Variants in RLIM observed in about 807,000 individuals in gnomAD.
The protein encoded by RLIM is E3 ubiquitin-protein ligase RLIM.
In RLIM, 2 loss-of-function variants were observed where a neutral mutation model predicts 34.0. The observed-to-expected ratio is 0.06, with a 90% CI of 0.02 to 0.19. The LOEUF (loss-of-function observed/expected upper bound fraction) is 0.19. Among genes scored for constraint, RLIM ranks in the 10% least tolerant of loss-of-function variants. RLIM has a pLI of 1.00. For missense variants in RLIM, 286 were observed against 479.7 expected, an observed-to-expected ratio of 0.60 and a Z score of 3.77; for synonymous variants, 169 against 164.0, an observed-to-expected ratio of 1.03 and a Z score of -0.23.
chrX:74,590,544 T>C lies in RLIM; in HGVS notation c.*896A>G, dbSNP rs1451002972. 8.9e-6 allele frequency: 1 copy of C among 112,714 alleles called. No individual in the cohort carries two copies. The highest frequency in any genetic ancestry group is 1.9e-5 in the Non-Finnish European group (1 of 53,331). 9.3% of individuals were successfully genotyped at this position (112,714 alleles called of 1,213,427 possible). ...TTTCCTTTGCATGTCACAGTAGCTG[T>C]TCACACATTAAATATTATAGATATG... On this transcript the variant is annotated 3_prime_UTR_variant, in exon 4 of 4. Coordinates refer to ENST00000332687, the MANE Select transcript of RLIM (RefSeq NM_016120.4).
intron 1 of RLIM, among the ~76,000 whole-genome samples, chrX:74,605,265 A>G (rs954041700): frequency 7.1e-5 from 8 of 112,486 alleles, no homozygotes; most frequent in African/African-American, 1.9e-4. Flanking sequence ...GCGGCATAAA[A>G]GAAAGAAATG....
Position 74,588,837 on chromosome X carries a change from C to G in RLIM, c.*2603G>C, listed in dbSNP as rs917923418. 1 of 111,976 alleles carries G rather than the reference C, an allele frequency of 8.9e-6. No individual in the cohort carries two copies. Among genetic ancestry groups the G allele is most frequent in the African/African-American group, 3.2e-5 (1 of 30,814 alleles). The allele number at this position is 111,976 out of a possible 1,213,427, so 9.2% of individuals were successfully genotyped here. A position where few individuals can be genotyped will look rare whatever the true frequency, so the allele number is the denominator to read the frequency against. On this transcript the variant is annotated 3_prime_UTR_variant, in exon 4 of 4. Transcript: ENST00000332687. Reference sequence around the variant, plus strand: ...TTTTGTTCTCCATTGTAATCTGACACCTACGAATGACCTTGTCTTCAATGT... The same window carrying G: ...TTTTGTTCTCCATTGTAATCTGACAGCTACGAATGACCTTGTCTTCAATGT...
intron 1 of RLIM, among the ~76,000 whole-genome samples, chrX:74,609,487 CAAAAAAAAA>C (rs752008137): frequency 1.2e-4 from 4 of 32,799 alleles, no homozygotes; most frequent in African/African-American, 2.8e-4. Flanking sequence ...GACTCCGTTT[CAAAAAAAAA>C]AAAAAAAAAA....
rs766460626 is a variant in RLIM at position 74,592,487 on chromosome X, A to T, written c.828T>A (p.Ser276=). 23 of 1,210,243 alleles carry T rather than the reference A, an allele frequency of 1.9e-5. No homozygotes were observed. Among genetic ancestry groups the T allele is most frequent in the African/African-American group, 3.5e-5 (2 of 57,261 alleles). Residue 276 remains serine (S), a synonymous_variant, in exon 4 of 4, where the codon TCT becomes TCA. Transcript: ENST00000332687. Reference sequence around the variant, plus strand: ...GACCTCTACTTAGCAACTCAGGCCCAGATATTTGCTGCCTCAATGTCACAT... The same window carrying T: ...GACCTCTACTTAGCAACTCAGGCCCTGATATTTGCTGCCTCAATGTCACAT... ...RHHVTLRQQI[S]GPELLSRGLF...
chrX:74,594,567 C>A (rs1031884084), intron 2 of RLIM, among the ~76,000 whole-genome samples, 178 bp from the exon 3 acceptor site: 1 of 111,577 alleles, frequency 9.0e-6, no homozygotes, highest in East Asian at 2.8e-4. Flanking sequence ...GGGAAAAATT[C>A]ACTTCTTTGG....
In RLIM at chrX:74,585,648, A is replaced by G. The variant is rs933251779; in HGVS notation, c.*5792T>C. 4.5e-5 allele frequency: 5 copies of G among 112,322 alleles called. No homozygotes were observed. The highest frequency in any genetic ancestry group is 1.6e-4 in the African/African-American group (5 of 30,904). 9.3% of individuals were successfully genotyped at this position (112,322 alleles called of 1,213,427 possible). On this transcript the variant is annotated 3_prime_UTR_variant, in exon 4 of 4. Transcript: ENST00000332687. The stretch of plus-strand genomic sequence containing the variant: ...GTCTTGTTTTGCTTTAAACAAGTTA[A>G]CTTTTAGCAGTTGTAAAGCACTGTA...
At position 74,609,314 on chromosome X, in the gene RLIM, C is replaced by T. The variant is rs1012710932; in HGVS notation, c.-24+5108G>A. Reference sequence around the variant, plus strand: ...CATCCTGGCTAACACAGTGAAACCCCGTCTCTACTAAAAATAGAAAAAAAT... The same window carrying T: ...CATCCTGGCTAACACAGTGAAACCCTGTCTCTACTAAAAATAGAAAAAAAT... On this transcript the variant is annotated intron_variant, in intron 1 of 3. Coordinates refer to ENST00000332687, the MANE Select transcript of RLIM (RefSeq NM_016120.4). 5.6e-5 allele frequency among the ~76,000 whole-genome samples: 6 copies of T among 107,865 alleles called. No homozygotes were observed. The Admixed American group carries it at 6.0e-4, about 11-fold the overall frequency. 93.7% of individuals were successfully genotyped at this position (107,865 alleles called of 115,157 possible). A position where few individuals can be genotyped will look rare whatever the true frequency, so the allele number is the denominator to read the frequency against.
rs1373431893 is a variant in RLIM at position 74,585,879 on chromosome X, A to G, written c.*5561T>C. 2 of 112,157 alleles carry G rather than the reference A, an allele frequency of 1.8e-5. No homozygotes were observed. The highest frequency in any genetic ancestry group is 3.8e-5 in the Non-Finnish European group (2 of 53,263). The allele number at this position is 112,157 out of a possible 1,213,427, so 9.2% of individuals were successfully genotyped here. A position where few individuals can be genotyped will look rare whatever the true frequency, so the allele number is the denominator to read the frequency against. Reference sequence around the variant, plus strand: ...CTCCCGAAGGTCAGGAAGCCCTGGTATAACAATCACTTTAGTCTTTACAGA... The same window carrying G: ...CTCCCGAAGGTCAGGAAGCCCTGGTGTAACAATCACTTTAGTCTTTACAGA... On this transcript the variant is annotated 3_prime_UTR_variant, in exon 4 of 4. Transcript: ENST00000332687.
At chrX:74,604,533 T>C (rs1189151120) in intron 1 of RLIM, among the ~76,000 whole-genome samples, 2 of 111,502 alleles carry the variant, frequency 1.8e-5, no homozygotes, top group Non-Finnish European at 3.8e-5. Flanking sequence ...CCCCTTTATG[T>C]TTTCCAAAAA....
chrX:74,594,780 T>C (rs903445304), intron 2 of RLIM, among the ~76,000 whole-genome samples: 1 of 107,477 alleles, frequency 9.3e-6, no homozygotes, highest in Non-Finnish European at 1.9e-5. Context: ...GTGCCTGTAA[T>C]CCCAGCTGCT....
chrX:74,587,577 C>CAT lies in RLIM; in HGVS notation c.*3861_*3862dup, dbSNP rs1352866981. On this transcript the variant is annotated 3_prime_UTR_variant, in exon 4 of 4. Coordinates refer to ENST00000332687, the MANE Select transcript of RLIM (RefSeq NM_016120.4). Reference sequence around the variant, plus strand: ...CTTTAAAAGAAAAAATATTAACAACCATAAGGTGCCACTGTATTTTAGCAA... The same window carrying CAT: ...CTTTAAAAGAAAAAATATTAACAACCATATAAGGTGCCACTGTATTTTAGCAA... 9.0e-6 allele frequency: 1 copy of CAT among 111,302 alleles called. No individual in the cohort carries two copies. The highest frequency in any genetic ancestry group is 1.9e-5 in the Non-Finnish European group (1 of 52,995). The allele number at this position is 111,302 out of a possible 1,213,427, so 9.2% of individuals were successfully genotyped here. A position where few individuals can be genotyped will look rare whatever the true frequency, so the allele number is the denominator to read the frequency against.
Position 74,589,326 on chromosome X carries a change from T to C in RLIM, c.*2114A>G, listed in dbSNP as rs748952366. The C allele has an allele frequency of 1.8e-5, 2 of 111,805 alleles. No individual in the cohort carries two copies. The highest frequency in any genetic ancestry group is 9.6e-5 in the Admixed American group (1 of 10,461). The allele number at this position is 111,805 out of a possible 1,213,427, so 9.2% of individuals were successfully genotyped here. ...GACTACCCTGCAGATCTGAAAACTGTAGATTACATCCTTAGGAAAGGAGAA... is the reference window on the plus strand; with the variant it reads ...GACTACCCTGCAGATCTGAAAACTGCAGATTACATCCTTAGGAAAGGAGAA... On this transcript the variant is annotated 3_prime_UTR_variant, in exon 4 of 4. Transcript: ENST00000332687.
chrX:74,593,046 T>C lies in RLIM; in HGVS notation c.269A>G (p.Asp90Gly). 1 of 1,203,607 alleles carries C rather than the reference T, an allele frequency of 8.3e-7. No individual in the cohort carries two copies. Among genetic ancestry groups the C allele is most frequent in the Non-Finnish European group, 1.1e-6 (1 of 889,740 alleles). Residue 90 changes from aspartate to glycine, a missense_variant, in exon 4 of 4, where the codon GAT becomes GGT. Physicochemically the swap from Asp to Gly is moderately conservative, Grantham distance 94. Around this residue, in one of 6 missense-constraint regions of RLIM, gnomAD observed 62 missense variants for 71.3 expected, o/e 0.87. Transcript: ENST00000332687. ...TATAGAGTCACCATTAGACACATCA[T>C]CTGAAGAGTCTCCTCCTGTTCAAAA... ...SDENRGGDSS[D>G]DVSNGDSIID...
At chrX:74,597,081 T>G (rs1374794668) in intron 1 of RLIM, among the ~76,000 whole-genome samples, 1 of 112,099 alleles carries the variant, frequency 8.9e-6, no homozygotes, top group Non-Finnish European at 1.9e-5. Flanking sequence ...TTAGAAAATT[T>G]AAAGTGAAAT....
intron 1 of RLIM, 132 bp from the exon 2 acceptor site, chrX:74,596,132 A>G: frequency 2.5e-6 from 1 of 396,612 alleles, no homozygotes. Flanking sequence ...TTCCTAACAA[A>G]AACTCCTGAA....
rs947429769 is a variant in RLIM at position 74,584,171 on chromosome X, C to T, written c.*7269G>A. Among the ~76,000 whole-genome samples the T allele has an allele frequency of 9.0e-6, 1 of 111,251 alleles. No homozygotes were observed. Among genetic ancestry groups the T allele is most frequent in the Non-Finnish European group, 1.9e-5 (1 of 53,066 alleles). On this transcript the variant is annotated 3_prime_UTR_variant, in exon 4 of 4. Transcript: ENST00000332687. ...TCTAGTCTAGGGCTTGGGATAAATACTAAGAAACAAATTAGAAGTCATATA... is the reference window on the plus strand; with the variant it reads ...TCTAGTCTAGGGCTTGGGATAAATATTAAGAAACAAATTAGAAGTCATATA...
In RLIM at chrX:74,584,139, T is replaced by G. The variant is rs1931288576; in HGVS notation, c.*7301A>C. 8.9e-6 allele frequency among the ~76,000 whole-genome samples: 1 copy of G among 111,798 alleles called. No individual in the cohort carries two copies. The highest frequency in any genetic ancestry group is 3.7e-4 in the South Asian group (1 of 2,719). ...GTTTTTCCTAAGAAATCACACCTCA[T>G]AAGCAATCTAGTCTAGGGCTTGGGA... On this transcript the variant is annotated 3_prime_UTR_variant, in exon 4 of 4. Coordinates refer to ENST00000332687, the MANE Select transcript of RLIM (RefSeq NM_016120.4).
At position 74,589,649 on chromosome X, in the gene RLIM, G is replaced by A. The variant is rs2079604058; in HGVS notation, c.*1791C>T. The A allele has an allele frequency of 8.9e-6, 1 of 112,263 alleles. No individual in the cohort carries two copies. The highest frequency in any genetic ancestry group is 1.9e-5 in the Non-Finnish European group (1 of 53,204). The allele number at this position is 112,263 out of a possible 1,213,427, so 9.3% of individuals were successfully genotyped here. On this transcript the variant is annotated 3_prime_UTR_variant, in exon 4 of 4. Transcript: ENST00000332687. ...AAGTTGGTAACAGTGAAGGTACCCA[G>A]ACAATTCCTAAAGCAGACTTGTTTA...
In RLIM at chrX:74,590,979, G is replaced by C. The variant is rs2147371360; in HGVS notation, c.*461C>G. 1 of 125,837 alleles carries C rather than the reference G, an allele frequency of 7.9e-6. No individual in the cohort carries two copies. Among genetic ancestry groups the C allele is most frequent in the Non-Finnish European group, 1.6e-5 (1 of 60,778 alleles). The allele number at this position is 125,837 out of a possible 1,213,427, so 10.4% of individuals were successfully genotyped here. A position where few individuals can be genotyped will look rare whatever the true frequency, so the allele number is the denominator to read the frequency against. On this transcript the variant is annotated 3_prime_UTR_variant, in exon 4 of 4. Coordinates refer to ENST00000332687, the MANE Select transcript of RLIM (RefSeq NM_016120.4). ...GTGAACAAACAATACTCAGAATGTG[G>C]CTGAATTTGTGTTAACTAATAACTG...
Sources: gnomAD v4.1 joint callset for allele counts (sites outside exome capture counted in the v4.1 genomes callset) on GRCh38, gnomAD v4.1.1 for gene constraint, gnomAD v4.1.1 regional missense constraint, MANE v1.5 for transcripts, NCBI Gene and HGNC (gene_info 2026-07-23, HGNC 2026-07-21) for gene names.